TMEM131: variants seen among roughly 807,000 people sequenced by gnomAD.
The protein encoded by TMEM131 is 2610524E03Rik.
Under a neutral mutation model 211.6 loss-of-function variants are expected in TMEM131, and 66 were observed. That is an observed-to-expected ratio of 0.31 (90% CI 0.26 to 0.38). The LOEUF is 0.38. Among genes scored for constraint, TMEM131 ranks in the 10% least tolerant of loss-of-function variants. The pLI is 1.00. For missense variants in TMEM131, 2,036 were observed against 2,299.3 expected (o/e 0.89, Z 2.34); for synonymous variants, 844 against 841.3 (o/e 1.00, Z -0.06).
chr2:97,796,819 C>T, intron 27 of TMEM131, 25 bp downstream of exon 27: 1 of 1,604,158 alleles, frequency 6.2e-7, no homozygotes, highest in African/African-American at 1.3e-5. Context: ...AAATTAGTGT[C>T]CTTGAAACTG....
At chr2:97,968,022 A>G (rs1316814884) in intron 1 of TMEM131, among the ~76,000 whole-genome samples, 1 of 152,026 alleles carries the variant, frequency 6.6e-6, no homozygotes, top group Non-Finnish European at 1.5e-5. Context: ...TACTTATTCT[A>G]AGTAATGCCC....
At chr2:97,981,276 T>C (rs1462045417) in intron 1 of TMEM131, among the ~76,000 whole-genome samples, 1 of 151,416 alleles carries the variant, frequency 6.6e-6, no homozygotes, top group East Asian at 1.9e-4. Flanking sequence ...ATAGTTTTCA[T>C]TCACAAATCA....
intron 1 of TMEM131, among the ~76,000 whole-genome samples, chr2:97,982,198 T>A (rs1679828584): frequency 6.6e-6 from 1 of 152,206 alleles, no homozygotes; most frequent in Non-Finnish European, 1.5e-5. Flanking sequence ...TTATTATCCA[T>A]CTGTTTGATC....
chr2:97,857,090 T>C (rs938845567), intron 5 of TMEM131, among the ~76,000 whole-genome samples: 1 of 152,242 alleles, frequency 6.6e-6, no homozygotes, highest in Non-Finnish European at 1.5e-5. Context: ...GAGAGTCTAG[T>C]TCAGAAACGT....
At chr2:97,843,470 A>G (rs1048024737) in intron 6 of TMEM131, among the ~76,000 whole-genome samples, 1 of 152,116 alleles carries the variant, frequency 6.6e-6, no homozygotes, top group Non-Finnish European at 1.5e-5. Flanking sequence ...CGAGTAGCTG[A>G]GACTACAAGT....
At chr2:97,866,300 A>T (rs1158785235) in intron 4 of TMEM131, among the ~76,000 whole-genome samples, 3 of 152,238 alleles carry the variant, frequency 2.0e-5, no homozygotes, top group African/African-American at 7.2e-5. Context: ...AAATCTGTCC[A>T]TTTCAACTAA....
At chr2:97,884,736 C>T (rs1224646362) in intron 4 of TMEM131, among the ~76,000 whole-genome samples, 1 of 152,154 alleles carries the variant, frequency 6.6e-6, no homozygotes, top group East Asian at 1.9e-4. Context: ...AGTAATGCTA[C>T]TCCTGCTGGC....
intron 7 of TMEM131, among the ~76,000 whole-genome samples, chr2:97,839,921 T>C (rs1214137477): frequency 1.3e-5 from 2 of 152,258 alleles, no homozygotes; most frequent in African/African-American, 2.4e-5. Context: ...AGGGACGTTT[T>C]TGCTTCATTC....
intron 1 of TMEM131, among the ~76,000 whole-genome samples, chr2:97,960,983 A>G (rs935559209): frequency 7.9e-5 from 12 of 152,148 alleles, no homozygotes; most frequent in African/African-American, 2.9e-4. Context: ...TCACCAATTC[A>G]TGATGAAAAT....
chr2:97,903,306 A>G (rs944388899), intron 3 of TMEM131, among the ~76,000 whole-genome samples: 11 of 152,166 alleles, frequency 7.2e-5, no homozygotes, highest in African/African-American at 2.4e-4. Context: ...TGACAGCGCA[A>G]ATGATGGTGA....
At chr2:97,900,456 T>A (rs933882205) in intron 3 of TMEM131, among the ~76,000 whole-genome samples, 2 of 152,016 alleles carry the variant, frequency 1.3e-5, no homozygotes, top group African/African-American at 4.8e-5. Context: ...ACATTTAACA[T>A]AATGTCCTCC....
chr2:97,873,876 C>T (rs907162670), intron 4 of TMEM131, among the ~76,000 whole-genome samples: 11 of 152,094 alleles, frequency 7.2e-5, no homozygotes, highest in African/African-American at 2.2e-4. Flanking sequence ...ATGAGTTTGA[C>T]GAACTGACAG....
chr2:97,877,942 T>C (rs1437202417), intron 4 of TMEM131, among the ~76,000 whole-genome samples: 1 of 152,124 alleles, frequency 6.6e-6, no homozygotes, highest in Admixed American at 6.6e-5. Context: ...GGAGAAAAGT[T>C]TTGCAATCTA....
At chr2:97,862,553 CAAGCAGA>C in intron 4 of TMEM131, among the ~76,000 whole-genome samples, 1 of 152,084 alleles carries the variant, frequency 6.6e-6, no homozygotes, top group South Asian at 2.1e-4. Context: ...TAAAAACAAT[CAAGCAGA>C]AATTCTAGAG....
intron 11 of TMEM131, among the ~76,000 whole-genome samples, chr2:97,830,142 A>AC (rs1317731655): frequency 6.7e-6 from 1 of 150,022 alleles, no homozygotes; most frequent in Non-Finnish European, 1.5e-5. Context: ...TAAAAAAAAA[A>AC]AAAAAAAAAA....
chr2:97,928,825 G>C (rs916031587), intron 1 of TMEM131, among the ~76,000 whole-genome samples: 1 of 151,804 alleles, frequency 6.6e-6, no homozygotes, highest in African/African-American at 2.4e-5. Flanking sequence ...ACAGAAACAA[G>C]GCGGGGGAGG....
intron 11 of TMEM131, among the ~76,000 whole-genome samples, chr2:97,829,895 A>C (rs1227063979): frequency 6.6e-6 from 1 of 152,168 alleles, no homozygotes; most frequent in East Asian, 1.9e-4. Context: ...GTACAACACC[A>C]AGCCAGAAAT....
At chr2:97,797,258 T>C in intron 26 of TMEM131, 107 bp downstream of exon 26, 1 of 1,137,552 alleles carries the variant, frequency 8.8e-7, no homozygotes, top group Non-Finnish European at 1.3e-6. Flanking sequence ...TTGGACAAAG[T>C]GAATTCAAAC....
chr2:97,912,689 C>T (rs1000016619), intron 2 of TMEM131, among the ~76,000 whole-genome samples: 14 of 152,122 alleles, frequency 9.2e-5, no homozygotes, highest in Non-Finnish European at 1.3e-4. Flanking sequence ...AGACACCTTT[C>T]CTACCTCCCC....
Sources: gnomAD v4.1 joint callset for allele counts (sites outside exome capture counted in the v4.1 genomes callset) on GRCh38, gnomAD v4.1.1 for gene constraint, MANE v1.5 for transcripts, NCBI Gene and HGNC (gene_info 2026-07-23, HGNC 2026-07-21) for gene names.